BCAS3: variants seen among roughly 807,000 people sequenced by gnomAD.
BCAS3 encodes the protein BCAS3 microtubule associated cell migration factor, also known as BCAS4/BCAS3 fusion.
Under a neutral mutation model 116.1 loss-of-function variants are expected in BCAS3, and 53 were observed. The observed-to-expected ratio is 0.46, with a 90% CI of 0.37 to 0.57. The LOEUF is 0.57. BCAS3 is among the 20% of genes least tolerant of loss of function. BCAS3 has a pLI of 0.00. For missense variants in BCAS3, 917 were observed against 1,165.4 expected, an observed-to-expected ratio of 0.79 and a Z score of 3.10; for synonymous variants, 391 against 408.2, an observed-to-expected ratio of 0.96 and a Z score of 0.51.
chr17:61,059,887 G>A (rs895773504), intron 19 of BCAS3, among the ~76,000 whole-genome samples: 33 of 152,054 alleles, frequency 2.2e-4, no homozygotes, highest in Admixed American at 9.2e-4. Flanking sequence ...TTAGCCGGGC[G>A]TGGTGGCGCG....
At chr17:60,877,571 C>A (rs2055730894) in intron 9 of BCAS3, among the ~76,000 whole-genome samples, 1 of 152,156 alleles carries the variant, frequency 6.6e-6, no homozygotes, top group African/African-American at 2.4e-5. Context: ...AATTGCTGGA[C>A]CACTGAATAG....
At chr17:61,266,513 C>A (rs1455314568) in intron 22 of BCAS3, among the ~76,000 whole-genome samples, 1 of 152,208 alleles carries the variant, frequency 6.6e-6, no homozygotes, top group Non-Finnish European at 1.5e-5. Context: ...AATGATTTAA[C>A]ACTGAACTAA....
intron 9 of BCAS3, among the ~76,000 whole-genome samples, chr17:60,887,635 ATTC>A (rs1204118012): frequency 6.6e-6 from 1 of 152,154 alleles, no homozygotes; most frequent in Non-Finnish European, 1.5e-5. Context: ...TTGTCTTGGT[ATTC>A]TTGTTGAAAA....
At chr17:61,042,088 G>T (rs1307109254) in intron 19 of BCAS3, among the ~76,000 whole-genome samples, 1 of 152,018 alleles carries the variant, frequency 6.6e-6, no homozygotes, top group Non-Finnish European at 1.5e-5. Context: ...TTTTCGGGTT[G>T]ATTCAAGAAG....
rs557230421 is a variant in BCAS3, at chr17:61,110,386, G to A, written c.2425+25822G>A. Reference sequence around the variant, plus strand: ...AGTGGGCGCAGGTCAGTGGGTGCGCGCACCGTGCGCAAGCCGAAGCAGGGC... The same window carrying A: ...AGTGGGCGCAGGTCAGTGGGTGCGCACACCGTGCGCAAGCCGAAGCAGGGC... On this transcript the variant is annotated intron_variant, in intron 22 of 23. Coordinates refer to ENST00000407086, the MANE Select transcript of BCAS3 (RefSeq NM_017679.5). Among the ~76,000 whole-genome samples the A allele has an allele frequency of 2.0e-3, 301 of 152,236 alleles. 4 individuals carry two copies. Among genetic ancestry groups the A allele is most frequent in the African/African-American group, 6.3e-3 (260 of 41,552 alleles).
chr17:60,925,876 T>C (rs1382877762), intron 13 of BCAS3, among the ~76,000 whole-genome samples: 1 of 152,074 alleles, frequency 6.6e-6, no homozygotes, highest in Non-Finnish European at 1.5e-5. Context: ...TTGGAATATT[T>C]GCATATATAA....
intron 7 of BCAS3, among the ~76,000 whole-genome samples, chr17:60,845,106 T>G (rs1488784703): frequency 1.3e-5 from 2 of 152,182 alleles, no homozygotes; most frequent in East Asian, 3.9e-4. Context: ...GGCGCATGCC[T>G]GTAATCTCAG....
chr17:61,055,240 A>G (rs1316470523), intron 19 of BCAS3, among the ~76,000 whole-genome samples: 1 of 152,222 alleles, frequency 6.6e-6, no homozygotes, highest in Non-Finnish European at 1.5e-5. Flanking sequence ...TTAATTGCTA[A>G]TAAATGACTG....
intron 6 of BCAS3, among the ~76,000 whole-genome samples, chr17:60,802,522 C>G (rs1162018020): frequency 2.0e-5 from 3 of 151,934 alleles, no homozygotes; most frequent in Non-Finnish European, 4.4e-5. Context: ...TTTTTAATTT[C>G]TATTGTGTTC....
Position 61,162,943 on chromosome 17 carries a change from C to T in BCAS3, c.2425+78379C>T, listed in dbSNP as rs951856705. On this transcript the variant is annotated intron_variant, in intron 22 of 23. Coordinates refer to ENST00000407086, the MANE Select transcript of BCAS3 (RefSeq NM_017679.5). This position sits in a 1 kb window ranked among gnomAD's most constrained non-coding sequence, Gnocchi z 5.6. ...ATCTTGCTTAAGTTTTATAGGTAAT[C>T]CTGGAAGTTTAGTCTTACTTTGGGA... Among the ~76,000 whole-genome samples, 5 of 151,984 alleles carry T rather than the reference C, an allele frequency of 3.3e-5. No individual in the cohort carries two copies. Among genetic ancestry groups the T allele is most frequent in the Non-Finnish European group, 7.4e-5 (5 of 67,990 alleles).
At chr17:60,722,504 T>A (rs2039345550) in intron 5 of BCAS3, among the ~76,000 whole-genome samples, 1 of 152,132 alleles carries the variant, frequency 6.6e-6, no homozygotes, top group Non-Finnish European at 1.5e-5. Flanking sequence ...GGCTCATGCC[T>A]GTAATCCCAG....
At chr17:60,908,306 T>A (rs565696237) in intron 11 of BCAS3, among the ~76,000 whole-genome samples, 5 of 152,328 alleles carry the variant, frequency 3.3e-5, no homozygotes, top group African/African-American at 1.2e-4. Context: ...CACATTACTT[T>A]CCACTTTTTA....
rs149957288 is a variant in BCAS3 at position 60,867,386 on chromosome 17, G to A, written c.477-1190G>A. Among the ~76,000 whole-genome samples, 272 of 152,126 alleles carry A rather than the reference G, an allele frequency of 1.8e-3. 1 individual carries two copies. The highest frequency in any genetic ancestry group is 3.3e-3 in the Admixed American group (51 of 15,274). On this transcript the variant is annotated intron_variant, in intron 7 of 23. Transcript: ENST00000407086. ...CTCCTAAAGTGCTGGGGTTACAGAC[G>A]TGAGCCACCACGCCTGGCCTACGTA...
chr17:61,217,571 T>C lies in BCAS3; in HGVS notation c.2425+133007T>C, dbSNP rs1443836000. ...GCTTTCCCCCACCCACCTCCCCTCA[T>C]GGTTATTTGGAGCTATTAAAGGAGT... is the stretch of plus-strand genomic sequence containing the variant. On this transcript the variant is annotated intron_variant, in intron 22 of 23. Coordinates refer to ENST00000407086, the MANE Select transcript of BCAS3 (RefSeq NM_017679.5). The surrounding 1 kb of genome is among the most constrained non-coding windows in gnomAD (Gnocchi z 5.2). Among the ~76,000 whole-genome samples, 5 of 150,742 alleles carry C rather than the reference T, an allele frequency of 3.3e-5. No individual in the cohort carries two copies. The highest frequency in any genetic ancestry group is 2.0e-4 in the Admixed American group (3 of 15,110).
intron 22 of BCAS3, among the ~76,000 whole-genome samples, chr17:61,210,436 C>T (rs2081390406): frequency 6.6e-6 from 1 of 152,110 alleles, no homozygotes; most frequent in Non-Finnish European, 1.5e-5. Context: ...AGATGATATC[C>T]AGAACTCCTA....
intron 6 of BCAS3, among the ~76,000 whole-genome samples, chr17:60,758,682 G>A (rs6503991): frequency 0.72 from 109,888 of 151,592 alleles, 45,513 homozygotes; most frequent in South Asian, 0.98. Flanking sequence ...GCACCCGGCC[G>A]CTTTTCTAGT....
intron 22 of BCAS3, among the ~76,000 whole-genome samples, chr17:61,230,392 G>T (rs1394120973): frequency 6.6e-6 from 1 of 151,954 alleles, no homozygotes; most frequent in Non-Finnish European, 1.5e-5. Context: ...TATTACATGG[G>T]CATCTTGCAC....
In BCAS3 at chr17:61,392,053, T is replaced by G. The variant is rs771239412; in HGVS notation, c.2670T>G (p.Phe890Leu). The change falls in exon 24 of 24, where the codon TTT becomes TTG. Residue 890 changes from phenylalanine (F) to leucine (L), a missense_variant. Phe to Leu is a conservative substitution (Grantham distance 22). This residue lies in a region of BCAS3 where 109 missense variants were observed against 122.8 expected (regional missense o/e 0.89). Transcript: ENST00000407086. The surrounding 1 kb of genome is among the most constrained non-coding windows in gnomAD (Gnocchi z 6.4). ...CCAGCGGCAGCATACCAAGAAACTT[T>G]GATGGCTACCGATCTCCGCTGCCCA... ...GSTSGSIPRN[F>L]DGYRSPLPTN... The G allele has an allele frequency of 6.2e-7, 1 of 1,613,814 alleles. No homozygotes were observed. The highest frequency in any genetic ancestry group is 1.1e-5 in the South Asian group (1 of 91,066).
At chr17:61,075,301 G>A (rs1217321625) in intron 20 of BCAS3, among the ~76,000 whole-genome samples, 1 of 151,890 alleles carries the variant, frequency 6.6e-6, no homozygotes, top group Non-Finnish European at 1.5e-5. Flanking sequence ...TAAAGCCTTA[G>A]GGCCTTGGAA....
Sources: allele counts gnomAD v4.1 joint callset (sites outside exome capture counted in the v4.1 genomes callset), GRCh38; gene constraint gnomAD v4.1.1; regional missense constraint gnomAD v4.1.1; non-coding constraint Gnocchi (gnomAD v3.1); transcripts MANE v1.5; gene names NCBI Gene and HGNC (gene_info 2026-07-23, HGNC 2026-07-21).